MFSD1: variants seen among roughly 807,000 people sequenced by gnomAD.
MFSD1 encodes the protein major facilitator superfamily domain containing 1.
In MFSD1, 59 loss-of-function variants were observed where a neutral mutation model predicts 67.1. That is an observed-to-expected ratio of 0.88 (90% CI 0.71 to 1.09). The LOEUF (loss-of-function observed/expected upper bound fraction) is 1.09, where lower values mean the gene tolerates loss of function less well. Among genes scored for constraint, MFSD1 ranks in the 50% least tolerant of loss-of-function variants. The pLI, the probability that MFSD1 is intolerant of heterozygous loss-of-function variation, is 0.00. For missense variants in MFSD1, 552 were observed against 566.1 expected, an observed-to-expected ratio of 0.97 and a Z score of 0.25; for synonymous variants, 213 against 200.3, an observed-to-expected ratio of 1.06 and a Z score of -0.54.
chr3:158,806,336 T>C (rs921281801), intron 3 of MFSD1, among the ~76,000 whole-genome samples: 1 of 152,194 alleles, frequency 6.6e-6, no homozygotes, highest in African/African-American at 2.4e-5. Flanking sequence ...TGGCAGGAGA[T>C]GACAAGAATT....
intron 7 of MFSD1, among the ~76,000 whole-genome samples, chr3:158,814,610 C>T (rs1456210423): frequency 4.6e-5 from 7 of 152,016 alleles, no homozygotes; most frequent in Non-Finnish European, 8.8e-5. Context: ...CGTGAGCCAC[C>T]GCACCTGGCC....
intron 4 of MFSD1, 90 bp from the exon 5 acceptor site, chr3:158,807,306 A>G (rs1386346362): frequency 1.9e-5 from 20 of 1,068,262 alleles, no homozygotes; most frequent in Non-Finnish European, 2.7e-5. Flanking sequence ...AAACTATTGT[A>G]GAAGTTGAGA....
rs1180716149 is a variant in MFSD1 at position 158,802,183 on chromosome 3, C to A, written c.31C>A (p.Leu11Ile). The stretch of plus-strand genomic sequence containing the variant: ...GGAGGAGGATGAGGAAGCGCGGGCG[C>A]TCCTGGCAGGCGGCCCTGACGAGGC... MEEEDEEARA[L>I]LAGGPDEADR... The change falls in exon 1 of 16, where the codon CTC becomes ATC. Residue 11 changes from leucine (L) to isoleucine (I), a missense_variant. Transcript: ENST00000415822. 1.2e-6 allele frequency: 2 copies of A among 1,612,304 alleles called. No individual in the cohort carries two copies. The highest frequency in any genetic ancestry group is 2.2e-5 in the East Asian group (1 of 44,836).
At chr3:158,808,902 T>C in intron 5 of MFSD1, 1 of 321,872 alleles carries the variant, frequency 3.1e-6, no homozygotes, top group Non-Finnish European at 5.7e-6. Flanking sequence ...GTTTGCTGTC[T>C]CATAGCATGG....
Position 158,814,045 on chromosome 3 carries a change from C to T in MFSD1, c.630C>T (p.Thr210=), listed in dbSNP as rs61749299. Residue 210 remains threonine (T), a synonymous_variant, in exon 7 of 16, where the codon ACC becomes ACT. Coordinates refer to ENST00000415822, the MANE Select transcript of MFSD1 (RefSeq NM_022736.4). ...EALLGSAGHT[T]LGITLMIGGI... ...TGTTAGGTTCTGCTGGTCACACAACCCTCGGGATCACACTTATGATTGGTG... is the reference window on the plus strand; with the variant it reads ...TGTTAGGTTCTGCTGGTCACACAACTCTCGGGATCACACTTATGATTGGTG... The T allele has an allele frequency of 2.6e-5, 42 of 1,613,448 alleles. No individual in the cohort carries two copies. In the Admixed American group the frequency reaches 6.3e-4, roughly 24 times the overall value.
intron 14 of MFSD1, among the ~76,000 whole-genome samples, chr3:158,826,745 G>A (rs956212520): frequency 6.7e-6 from 1 of 149,960 alleles, no homozygotes; most frequent in Admixed American, 6.7e-5. Flanking sequence ...CCAGCTCACT[G>A]CAGCCTCAAC....
At chr3:158,825,086 A>G (rs1427311424) in intron 13 of MFSD1, 1 of 152,336 alleles carries the variant, frequency 6.6e-6, no homozygotes, top group Admixed American at 6.5e-5. Flanking sequence ...ATGTCAGTCC[A>G]CAGTTCAACA....
At chr3:158,804,260 C>T in intron 1 of MFSD1, 59 bp from the exon 2 acceptor site, 1 of 1,288,068 alleles carries the variant, frequency 7.8e-7, no homozygotes, top group Non-Finnish European at 1.1e-6. Flanking sequence ...GTAGCAACTG[C>T]AACTTGAAAC....
chr3:158,805,359 T>C lies in MFSD1; in HGVS notation c.217-3T>C, dbSNP rs769852890. 6.2e-7 allele frequency: 1 copy of C among 1,604,086 alleles called. No individual in the cohort carries two copies. Among genetic ancestry groups the C allele is most frequent in the South Asian group, 1.1e-5 (1 of 90,846 alleles). On this transcript the variant is annotated splice_polypyrimidine_tract_variant and splice_region_variant and intron_variant, in intron 2 of 15. Coordinates refer to ENST00000415822, the MANE Select transcript of MFSD1 (RefSeq NM_022736.4). ...AAAATAGTTTTATTTTCTTTTCATA[T>C]AGGATATGCAAGTGAATACCACGAA...
chr3:158,822,083 C>T lies in MFSD1; in HGVS notation c.1020C>T (p.Ala340=). Residue 340 remains alanine (A), a synonymous_variant, in exon 11 of 16, where the codon GCC becomes GCT. Coordinates refer to ENST00000415822, the MANE Select transcript of MFSD1 (RefSeq NM_022736.4). The stretch of plus-strand genomic sequence containing the variant: ...TCTGGGTTCTTTGCGCAGTAGCAGC[C>T]ACTCTTGTGTCCCACATGATGCTGG... ...NIIWVLCAVA[A]TLVSHMMLAF... is the part of the protein sequence containing the mutation. The T allele has an allele frequency of 1.9e-6, 3 of 1,613,952 alleles. No homozygotes were observed. In the South Asian group the frequency reaches 3.3e-5, roughly 18 times the overall value.
At chr3:158,807,699 TG>T (rs2108207377) in intron 5 of MFSD1, among the ~76,000 whole-genome samples, 1 of 152,318 alleles carries the variant, frequency 6.6e-6, no homozygotes, top group South Asian at 2.1e-4. Flanking sequence ...TCTCTGGAAA[TG>T]ATATTTTTCC....
intron 7 of MFSD1, among the ~76,000 whole-genome samples, chr3:158,814,324 T>G (rs1730201921): frequency 6.6e-6 from 1 of 152,192 alleles, no homozygotes; most frequent in Non-Finnish European, 1.5e-5. Context: ...CTTTATTTTA[T>G]TTTTATTTGT....
At position 158,805,589 on chromosome 3, in the gene MFSD1, G is replaced by T. The variant is rs561262374; in HGVS notation, c.329+115G>T. On this transcript the variant is annotated intron_variant, in intron 3 of 15. Transcript: ENST00000415822. ...AAACTTCTGTATTAACTAATAATTT[G>T]CTTGAGTTTTTTAAAAAAATGATTT... 3.5e-5 allele frequency: 30 copies of T among 850,036 alleles called. No homozygotes were observed. In the South Asian group the frequency reaches 4.4e-4, roughly 12 times the overall value. The allele number at this position is 850,036 out of a possible 1,614,324, so 52.7% of individuals were successfully genotyped here.
intron 14 of MFSD1, among the ~76,000 whole-genome samples, chr3:158,826,933 C>T (rs13318372): frequency 0.13 from 19,962 of 152,080 alleles, 1,497 homozygotes; most frequent in Middle Eastern, 0.2. Flanking sequence ...CTGGGATTTA[C>T]AGGCGTGAGC....
chr3:158,816,421 T>G (rs1207616799), intron 7 of MFSD1, among the ~76,000 whole-genome samples: 1 of 152,214 alleles, frequency 6.6e-6, no homozygotes, highest in Non-Finnish European at 1.5e-5. Context: ...TGAGCATTTT[T>G]TCATGTGTCT....
At chr3:158,811,276 A>T (rs1730002236) in intron 6 of MFSD1, among the ~76,000 whole-genome samples, 1 of 152,144 alleles carries the variant, frequency 6.6e-6, no homozygotes, top group Non-Finnish European at 1.5e-5. Context: ...CCCCTAAACC[A>T]GCTCCTGCTG....
Position 158,827,337 on chromosome 3 carries a change from A to T in MFSD1, c.1394A>T (p.Glu465Val). 6.6e-7 allele frequency: 1 copy of T among 1,522,846 alleles called. No homozygotes were observed. The highest frequency in any genetic ancestry group is 8.8e-7 in the Non-Finnish European group (1 of 1,130,700). The allele number at this position is 1,522,846 out of a possible 1,614,324, so 94.3% of individuals were successfully genotyped here. A position where few individuals can be genotyped will look rare whatever the true frequency, so the allele number is the denominator to read the frequency against. Residue 465 changes from glutamate (E) to valine (V), a missense_variant and splice_region_variant, in exon 15 of 16, where the codon GAA becomes GTA. Coordinates refer to ENST00000415822, the MANE Select transcript of MFSD1 (RefSeq NM_022736.4). ...GAAGAAATAAAATTTTCCCATACTG[A>T]GTAAGTATTAAAAGGGTAAAAAGTT... ...QREEIKFSHT[E>V]
At chr3:158,819,537 C>T in intron 7 of MFSD1, 112 bp from the exon 8 acceptor site, 1 of 500,082 alleles carries the variant, frequency 2.0e-6, no homozygotes, top group Non-Finnish European at 3.5e-6. Flanking sequence ...CTTTATGTGA[C>T]ATCCCTTTCA....
chr3:158,818,654 G>T (rs1301094380), intron 7 of MFSD1, among the ~76,000 whole-genome samples: 1 of 151,966 alleles, frequency 6.6e-6, no homozygotes, highest in Non-Finnish European at 1.5e-5. Context: ...TTCCTTGGTC[G>T]ATACAGCCTG....
Sources: gnomAD v4.1 joint callset for allele counts (sites outside exome capture counted in the v4.1 genomes callset) on GRCh38, gnomAD v4.1.1 for gene constraint, MANE v1.5 for transcripts, NCBI Gene and HGNC (gene_info 2026-07-23, HGNC 2026-07-21) for gene names.